The following DLGAP4 variants were observed in gnomAD, a reference collection of about 807,000 sequenced individuals.
DLGAP4 encodes the protein DLG associated protein 4.
DLGAP4 carries 18 observed loss-of-function variants against 86.9 expected under a neutral mutation model. The observed-to-expected ratio is 0.21, with a 90% CI of 0.14 to 0.31. The LOEUF (loss-of-function observed/expected upper bound fraction) is 0.31. Ranked by LOEUF, DLGAP4 falls within the 10% of genes least tolerant of loss-of-function variation. The pLI is 1.00. For synonymous variants in DLGAP4, 548 were observed against 574.3 expected, an observed-to-expected ratio of 0.95 and a Z score of 0.65; for missense variants, 1,085 against 1,362.6, an observed-to-expected ratio of 0.80 and a Z score of 3.21.
intron 7 of DLGAP4, chr20:36,473,161 C>G (rs1203436329): frequency 6.6e-6 from 1 of 152,276 alleles, no homozygotes; most frequent in African/African-American, 2.4e-5. Context: ...GAGCATTTCA[C>G]TTTCCCTGAA....
rs1194294335 is a variant in DLGAP4, at chr20:36,453,934, C to CAAAA, written c.1648+7016_1648+7019dup. On this transcript the variant is annotated intron_variant, in intron 7 of 12. Coordinates refer to ENST00000339266, the MANE Select transcript of DLGAP4 (RefSeq NM_001365621.2). ...GGCGAAAAGAGTGAGACTCTGTCTC[C>CAAAA]AAAAAAAAAAAAAAAAAAAAAAGAA... Among the ~76,000 whole-genome samples, 261 of 39,102 alleles carry CAAAA rather than the reference C, an allele frequency of 6.7e-3. 1 individual carries two copies. The highest frequency in any genetic ancestry group is 0.03 in the East Asian group (43 of 1,412). The allele number at this position is 39,102 out of a possible 152,430, so 25.7% of individuals were successfully genotyped here. A position where few individuals can be genotyped will look rare whatever the true frequency, so the allele number is the denominator to read the frequency against.
At chr20:36,474,939 C>T (rs2034843144) in intron 7 of DLGAP4, among the ~76,000 whole-genome samples, 1 of 152,180 alleles carries the variant, frequency 6.6e-6, no homozygotes, top group South Asian at 2.1e-4. Flanking sequence ...AAACAGGATA[C>T]TGTCTAATCT....
At chr20:36,418,106 C>T (rs1050540374) in intron 2 of DLGAP4, among the ~76,000 whole-genome samples, 10 of 145,978 alleles carry the variant, frequency 6.9e-5, no homozygotes, top group Non-Finnish European at 1.1e-4. Flanking sequence ...TGTGTGTGTG[C>T]GCGCATATGT....
chr20:36,392,007 G>T (rs1240161866), intron 2 of DLGAP4, among the ~76,000 whole-genome samples: 1 of 152,208 alleles, frequency 6.6e-6, no homozygotes, highest in African/African-American at 2.4e-5. Context: ...CCTTAAACTC[G>T]CCCTGACTTC....
At chr20:36,381,626 T>G (rs2031395748) in intron 2 of DLGAP4, among the ~76,000 whole-genome samples, 1 of 152,214 alleles carries the variant, frequency 6.6e-6, no homozygotes. Context: ...GCCCCCAGTC[T>G]AGGGGCAGAG....
At chr20:36,380,562 T>C (rs2031337350) in intron 2 of DLGAP4, among the ~76,000 whole-genome samples, 1 of 147,682 alleles carries the variant, frequency 6.8e-6, no homozygotes, top group African/African-American at 2.5e-5. Context: ...CACTCCAGCC[T>C]GGATGAGAGA....
At chr20:36,491,129 A>G (rs1050508820) in intron 7 of DLGAP4, among the ~76,000 whole-genome samples, 38 of 151,418 alleles carry the variant, frequency 2.5e-4, no homozygotes, top group African/African-American at 9.2e-4. Context: ...GAAGTGGAGG[A>G]TGCAGTGAGC....
Position 36,432,282 on chromosome 20 carries a change from A to G in DLGAP4, c.565A>G (p.Lys189Glu), listed in dbSNP as rs528972640. ...GRRAKSKERA[K>E]AGEPKRRSRS... ...GAGGGCCAAAAGCAAGGAGCGGGCC[A>G]AGGCTGGGGAGCCCAAACGGCGCAG... Residue 189 changes from lysine (K) to glutamate (E), a missense_variant, in exon 3 of 13, where the codon AAG becomes GAG. Physicochemically the swap from Lys to Glu is moderately conservative, Grantham distance 56 (BLOSUM62 1). Coordinates refer to ENST00000339266, the MANE Select transcript of DLGAP4 (RefSeq NM_001365621.2). The surrounding 1 kb of genome is among the most constrained non-coding windows in gnomAD (Gnocchi z 6.5). The G allele has an allele frequency of 1.8e-5, 29 of 1,613,740 alleles. No homozygotes were observed. Among genetic ancestry groups the G allele is most frequent in the Non-Finnish European group, 2.5e-5 (29 of 1,179,866 alleles).
intron 7 of DLGAP4, among the ~76,000 whole-genome samples, chr20:36,490,081 C>T (rs2035595776): frequency 6.6e-6 from 1 of 151,934 alleles, no homozygotes; most frequent in African/African-American, 2.4e-5. Flanking sequence ...TGGTCTCGAA[C>T]TCCTGACCTC....
intron 1 of DLGAP4, among the ~76,000 whole-genome samples, chr20:36,324,674 C>T (rs952613635): frequency 6.6e-6 from 1 of 152,184 alleles, no homozygotes; most frequent in African/African-American, 2.4e-5. Context: ...TGTAGATCCT[C>T]AGTTCTGTTC....
At chr20:36,448,379 A>G (rs977227698) in intron 7 of DLGAP4, among the ~76,000 whole-genome samples, 2 of 152,176 alleles carry the variant, frequency 1.3e-5, no homozygotes, top group Admixed American at 6.5e-5. Flanking sequence ...ATCAAAACCA[A>G]GGAAAAACAG....
At chr20:36,330,410 T>G (rs185335523) in intron 1 of DLGAP4, among the ~76,000 whole-genome samples, 3 of 152,254 alleles carry the variant, frequency 2.0e-5, no homozygotes, top group Admixed American at 2.0e-4. Context: ...GGTGGTGGAC[T>G]ATATGGCTTC....
chr20:36,317,892 T>C (rs2065124705), intron 1 of DLGAP4, among the ~76,000 whole-genome samples: 2 of 151,998 alleles, frequency 1.3e-5, no homozygotes, highest in Non-Finnish European at 2.9e-5. Context: ...TTGGCAGGGA[T>C]GGTCTTCTGG....
intron 4 of DLGAP4, among the ~76,000 whole-genome samples, chr20:36,437,188 C>T (rs2033312531): frequency 6.6e-6 from 1 of 152,220 alleles, no homozygotes. Flanking sequence ...TGGCCCTGCA[C>T]TCTGATGAAT....
At chr20:36,356,524 C>G (rs1555893851) in intron 1 of DLGAP4, among the ~76,000 whole-genome samples, 1 of 152,048 alleles carries the variant, frequency 6.6e-6, no homozygotes, top group Admixed American at 6.6e-5. Flanking sequence ...GTTGGCCATG[C>G]TGGTCTCGAA....
At chr20:36,463,388 G>A (rs1162116963) in intron 7 of DLGAP4, among the ~76,000 whole-genome samples, 2 of 152,152 alleles carry the variant, frequency 1.3e-5, no homozygotes, top group Admixed American at 1.3e-4. Context: ...CCCCATCGAG[G>A]GAGAGGAGCT....
intron 2 of DLGAP4, among the ~76,000 whole-genome samples, chr20:36,412,780 A>G (rs976362587): frequency 6.6e-6 from 1 of 152,162 alleles, no homozygotes; most frequent in Non-Finnish European, 1.5e-5. Flanking sequence ...AGCACCTACT[A>G]GAGACCTTAT....
At chr20:36,309,149 C>G (rs1399087982) in intron 1 of DLGAP4, among the ~76,000 whole-genome samples, 7 of 152,194 alleles carry the variant, frequency 4.6e-5, no homozygotes, top group Non-Finnish European at 1.5e-5. Context: ...TTCACTACTG[C>G]TCATCACCCA....
intron 1 of DLGAP4, among the ~76,000 whole-genome samples, chr20:36,348,392 G>A (rs1250511499): frequency 6.6e-6 from 1 of 152,180 alleles, no homozygotes; most frequent in Non-Finnish European, 1.5e-5. Flanking sequence ...AAAAGGCAAA[G>A]TCCTTGCTGT....
Sources: allele counts gnomAD v4.1 joint callset (sites outside exome capture counted in the v4.1 genomes callset), GRCh38; gene constraint gnomAD v4.1.1; non-coding constraint Gnocchi (gnomAD v3.1); transcripts MANE v1.5; gene names NCBI Gene and HGNC (gene_info 2026-07-23, HGNC 2026-07-21).